Variants in ADCY5 observed in about 807,000 individuals in gnomAD.
ADCY5 encodes adenylate cyclase 5.
Under a neutral mutation model 119.7 loss-of-function variants are expected in ADCY5, and 30 were observed. The ratio of observed to expected loss-of-function variants is 0.25; its 90% CI spans 0.19 to 0.34. The LOEUF (loss-of-function observed/expected upper bound fraction) is 0.34. Ranked by LOEUF, ADCY5 falls within the 10% of genes least tolerant of loss-of-function variation. The pLI is 1.00. For synonymous variants in ADCY5, 753 were observed against 762.2 expected, an observed-to-expected ratio of 0.99 and a Z score of 0.20; for missense variants, 1,324 against 1,775.2, an observed-to-expected ratio of 0.75 and a Z score of 4.57.
intron 18 of ADCY5, 45 bp downstream of exon 18, chr3:123,291,068 A>G (rs778540140): frequency 8.3e-6 from 13 of 1,573,100 alleles, no homozygotes; most frequent in Non-Finnish European, 8.6e-6. Context: ...AGGGACTTGT[A>G]GGCCCCTCCC....
At chr3:123,416,347 G>A in intron 1 of ADCY5, 1 of 1,526,642 alleles carries the variant, frequency 6.6e-7, no homozygotes, top group Non-Finnish European at 8.8e-7. Context: ...TTTATAGCCA[G>A]AACATTTTGT....
chr3:123,348,234 T>C (rs1416069779), intron 2 of ADCY5, among the ~76,000 whole-genome samples: 1 of 152,060 alleles, frequency 6.6e-6, no homozygotes, highest in African/African-American at 2.4e-5. Flanking sequence ...CCCCTGAGAC[T>C]CTGCGTGACC....
intron 12 of ADCY5, among the ~76,000 whole-genome samples, chr3:123,304,545 AGTC>A (rs2108272525): frequency 6.6e-6 from 1 of 152,176 alleles, no homozygotes; most frequent in Non-Finnish European, 1.5e-5. Context: ...GCAGCTGAGG[AGTC>A]GTGGAGGGCT....
chr3:123,323,220 G>A (rs1370352581), intron 8 of ADCY5, among the ~76,000 whole-genome samples: 1 of 151,858 alleles, frequency 6.6e-6, no homozygotes, highest in Admixed American at 6.6e-5. Context: ...TGGGCAAAGC[G>A]ATGAACGCTG....
chr3:123,325,251 C>T (rs952974702), intron 8 of ADCY5, 71 bp downstream of exon 8: 46 of 1,551,202 alleles, frequency 3.0e-5, no homozygotes, highest in South Asian at 1.1e-4. Context: ...GCATCTGGTG[C>T]GGGCCTCATG....
chr3:123,446,210 A>T (rs1183623113), intron 1 of ADCY5, among the ~76,000 whole-genome samples: 1 of 152,248 alleles, frequency 6.6e-6, no homozygotes, highest in Non-Finnish European at 1.5e-5. Context: ...TACTATGTCC[A>T]GGAAGCCAGG....
intron 1 of ADCY5, chr3:123,419,113 G>A (rs1291034717): frequency 2.1e-5 from 21 of 977,620 alleles, no homozygotes; most frequent in Non-Finnish European, 2.6e-5. Context: ...AAATCCTAAG[G>A]GTTCTGTTTC....
chr3:123,391,191 G>A (rs369219182), intron 1 of ADCY5, among the ~76,000 whole-genome samples: 49 of 152,296 alleles, frequency 3.2e-4, no homozygotes, highest in African/African-American at 1.1e-3. Flanking sequence ...GGGAGGAGAC[G>A]GAAGGGAAAG....
chr3:123,408,513 G>A (rs1329900732), intron 1 of ADCY5, among the ~76,000 whole-genome samples: 2 of 150,904 alleles, frequency 1.3e-5, no homozygotes, highest in Non-Finnish European at 2.9e-5. Context: ...AAAATTAGCT[G>A]GGCACAGTGG....
chr3:123,424,789 T>C (rs1945370848), intron 1 of ADCY5, among the ~76,000 whole-genome samples: 1 of 152,224 alleles, frequency 6.6e-6, no homozygotes, highest in Admixed American at 6.5e-5. Flanking sequence ...CACGCGCGCA[T>C]GTCAGCATGC....
intron 12 of ADCY5, among the ~76,000 whole-genome samples, chr3:123,311,988 G>A (rs1940613673): frequency 6.6e-6 from 1 of 152,102 alleles, no homozygotes; most frequent in Non-Finnish European, 1.5e-5. Flanking sequence ...AAGAAGGCAG[G>A]GATGATTTTC....
intron 1 of ADCY5, among the ~76,000 whole-genome samples, chr3:123,355,713 T>G (rs1943015858): frequency 6.6e-6 from 1 of 151,252 alleles, no homozygotes; most frequent in African/African-American, 2.4e-5. Flanking sequence ...TATGAAACAC[T>G]GATGAAAGAA....
chr3:123,363,213 C>T (rs763333466), intron 1 of ADCY5, among the ~76,000 whole-genome samples: 4 of 138,318 alleles, frequency 2.9e-5, no homozygotes, highest in Non-Finnish European at 4.7e-5. Context: ...ATAAGCTATT[C>T]AAAGTAAAAA....
intron 1 of ADCY5, among the ~76,000 whole-genome samples, chr3:123,372,889 A>G (rs1054463908): frequency 5.3e-5 from 8 of 152,188 alleles, no homozygotes; most frequent in African/African-American, 1.9e-4. Context: ...TTTTAAAAGA[A>G]GGCCACAGCT....
At chr3:123,381,549 T>C (rs1465169586) in intron 1 of ADCY5, among the ~76,000 whole-genome samples, 5 of 152,252 alleles carry the variant, frequency 3.3e-5, no homozygotes, top group South Asian at 2.1e-4. Context: ...GCCAGCTTCA[T>C]GCATGTGTGA....
intron 10 of ADCY5, among the ~76,000 whole-genome samples, chr3:123,319,295 A>C (rs1941086259): frequency 6.6e-6 from 1 of 150,496 alleles, no homozygotes; most frequent in African/African-American, 2.5e-5. Context: ...AGGAGGTTGC[A>C]GTGAGCCAAG....
intron 1 of ADCY5, among the ~76,000 whole-genome samples, chr3:123,402,432 T>C (rs930533857): frequency 1.3e-5 from 2 of 152,176 alleles, no homozygotes; most frequent in Admixed American, 6.5e-5. Flanking sequence ...CTGGTGGCCA[T>C]GTGTTGACAA....
intron 1 of ADCY5, among the ~76,000 whole-genome samples, chr3:123,388,637 G>A (rs1454882976): frequency 6.6e-6 from 1 of 152,110 alleles, no homozygotes; most frequent in Admixed American, 6.6e-5. Flanking sequence ...TGGAGCCCTG[G>A]GAAAAACAAA....
At chr3:123,311,915 G>T (rs904552129) in intron 12 of ADCY5, among the ~76,000 whole-genome samples, 1 of 151,076 alleles carries the variant, frequency 6.6e-6, no homozygotes, top group African/African-American at 2.4e-5. Flanking sequence ...CTAGATAAAA[G>T]AACTGAGAAC....
Sources: gnomAD v4.1 joint callset for allele counts (sites outside exome capture counted in the v4.1 genomes callset) on GRCh38, gnomAD v4.1.1 for gene constraint, MANE v1.5 for transcripts, NCBI Gene and HGNC (gene_info 2026-07-23, HGNC 2026-07-21) for gene names.